RBFOX1: variants seen among roughly 807,000 people sequenced by gnomAD.
The protein encoded by RBFOX1 is RNA binding protein fox-1 homolog 1.
A neutral mutation model predicts 57.7 loss-of-function variants in RBFOX1; 8 were observed. The observed-to-expected ratio is 0.14, with a 90% confidence interval of 0.08 to 0.25. RBFOX1 has a LOEUF of 0.25. RBFOX1 is among the 10% of genes least tolerant of loss of function. The pLI is 1.00. For missense variants in RBFOX1, 611 were observed against 548.5 expected (o/e 1.11, Z -1.14); for synonymous variants, 326 against 222.4 (o/e 1.47, Z -4.15).
At chr16:5,342,421 C>T (rs1188983063) in intron 1 of RBFOX1, among the ~76,000 whole-genome samples, 1 of 152,166 alleles carries the variant, frequency 6.6e-6, no homozygotes, top group Non-Finnish European at 1.5e-5. Context: ...TCTCTAGGTA[C>T]AGAGGGCTTG....
chr16:6,542,483 C>CTTTTTTTTGTTTTTTTTTTT (rs2096835301), intron 2 of RBFOX1, among the ~76,000 whole-genome samples: 1 of 55,718 alleles, frequency 1.8e-5, no homozygotes, highest in Non-Finnish European at 3.0e-5. Context: ...GGACCATAGT[C>CTTTTTTTTGTTTTTTTTTTT]TTTTTTTTTT....
intron 2 of RBFOX1, among the ~76,000 whole-genome samples, chr16:6,406,343 T>C (rs77445497): frequency 0.029 from 3,547 of 120,270 alleles, 185 homozygotes; most frequent in East Asian, 0.26. Flanking sequence ...TCTGTCTCCA[T>C]AGAAGATGTT....
chr16:5,353,942 G>GTAAA (rs2151321842), intron 1 of RBFOX1, among the ~76,000 whole-genome samples: 1 of 152,200 alleles, frequency 6.6e-6, no homozygotes, highest in Non-Finnish European at 1.5e-5. Context: ...GGGCGGTGTA[G>GTAAA]TAAATGTTGA....
chr16:5,545,584 GA>G (rs2045160420), intron 2 of RBFOX1, among the ~76,000 whole-genome samples: 1 of 151,908 alleles, frequency 6.6e-6, no homozygotes, highest in Admixed American at 6.6e-5. Flanking sequence ...ATCATATTAA[GA>G]AATAAAAAGT....
At chr16:5,990,047 G>A (rs1014159899) in intron 4 of RBFOX1, among the ~76,000 whole-genome samples, 6 of 152,206 alleles carry the variant, frequency 3.9e-5, no homozygotes, top group South Asian at 2.1e-4. Context: ...CTGGAGTGGC[G>A]CTATCATGGT....
chr16:7,241,079 G>C (rs1219936411), intron 4 of RBFOX1, among the ~76,000 whole-genome samples: 1 of 152,164 alleles, frequency 6.6e-6, no homozygotes. Context: ...ATTTAGCGCA[G>C]TTTTTAGTAT....
chr16:7,029,932 G>C (rs958372358), intron 3 of RBFOX1, among the ~76,000 whole-genome samples: 3 of 152,200 alleles, frequency 2.0e-5, no homozygotes, highest in Admixed American at 2.0e-4. Flanking sequence ...GGGAGATTTG[G>C]AGAATGGGGT....
chr16:7,016,311 C>G (rs991289437), intron 3 of RBFOX1, among the ~76,000 whole-genome samples: 6 of 152,120 alleles, frequency 3.9e-5, no homozygotes, highest in Admixed American at 6.5e-5. Flanking sequence ...ACTATTCAAA[C>G]TGAAGACTGG....
intron 4 of RBFOX1, among the ~76,000 whole-genome samples, chr16:7,305,354 A>C (rs893164648): frequency 2.0e-5 from 3 of 152,092 alleles, no homozygotes; most frequent in Admixed American, 6.5e-5. Context: ...ATAGCTCAGC[A>C]CTGCCCTTGT....
intron 2 of RBFOX1, among the ~76,000 whole-genome samples, chr16:6,518,692 T>C (rs773393565): frequency 6.6e-6 from 1 of 152,164 alleles, no homozygotes; most frequent in Non-Finnish European, 1.5e-5. Flanking sequence ...ATTTTATCTA[T>C]GTATGTATCT....
At chr16:6,486,442 A>G (rs75497776) in intron 2 of RBFOX1, among the ~76,000 whole-genome samples, 2 of 152,162 alleles carry the variant, frequency 1.3e-5, no homozygotes, top group East Asian at 3.8e-4. Context: ...AATGATTATT[A>G]TTAATTAAAC....
intron 4 of RBFOX1, among the ~76,000 whole-genome samples, chr16:7,096,012 C>CAAAAAAA (rs71408498): frequency 3.6e-5 from 4 of 111,484 alleles, no homozygotes; most frequent in African/African-American, 1.1e-4. Flanking sequence ...GACTCTGTCT[C>CAAAAAAA]AAAAAAAAAA....
chr16:6,438,480 C>G (rs1453610466), intron 2 of RBFOX1, among the ~76,000 whole-genome samples: 1 of 152,146 alleles, frequency 6.6e-6, no homozygotes, highest in Non-Finnish European at 1.5e-5. Flanking sequence ...ATGCTGTGTG[C>G]TTTGCTAGTC....
chr16:5,983,579 A>C (rs73520276), intron 4 of RBFOX1, among the ~76,000 whole-genome samples: 1 of 152,268 alleles, frequency 6.6e-6, no homozygotes, highest in African/African-American at 2.4e-5. Flanking sequence ...CACCCTGGGC[A>C]GGAGGATGGC....
chr16:7,029,080 A>G (rs1292055045), intron 3 of RBFOX1, among the ~76,000 whole-genome samples: 2 of 29,948 alleles, frequency 6.7e-5, no homozygotes, highest in Non-Finnish European at 9.8e-5. Flanking sequence ...ATATATATAT[A>G]TACACACACA....
At chr16:6,563,468 T>G (rs375346658) in intron 2 of RBFOX1, among the ~76,000 whole-genome samples, 2 of 152,102 alleles carry the variant, frequency 1.3e-5, no homozygotes, top group Non-Finnish European at 2.9e-5. Flanking sequence ...AAAAATTTGG[T>G]GCATCCCTAG....
In RBFOX1 at chr16:7,419,399, C is replaced by T. The variant is rs147743076; in HGVS notation, c.28-98748C>T. On this transcript the variant is annotated intron_variant, in intron 4 of 15. Transcript: ENST00000550418. The stretch of plus-strand genomic sequence containing the variant: ...TCATCTGAATTTAAGCTGGACACCT[C>T]GCTTGTGAATGCAGAGGGGCCAGCA... 1.7e-3 allele frequency among the ~76,000 whole-genome samples: 264 copies of T among 152,318 alleles called. 1 individual carries two copies. Among genetic ancestry groups the T allele is most frequent in the African/African-American group, 5.9e-3 (244 of 41,564 alleles).
At chr16:5,376,744 C>A (rs1484068936) in intron 1 of RBFOX1, among the ~76,000 whole-genome samples, 58 of 147,344 alleles carry the variant, frequency 3.9e-4, no homozygotes, top group Non-Finnish European at 2.8e-4. Context: ...TGGCAGCACC[C>A]ATGACTGTCT....
intron 4 of RBFOX1, among the ~76,000 whole-genome samples, chr16:6,002,453 T>C (rs565471983): frequency 1.3e-5 from 2 of 152,204 alleles, no homozygotes; most frequent in Non-Finnish European, 2.9e-5. Flanking sequence ...GGCATGCACC[T>C]TTGCATTTTG....
Sources: gnomAD v4.1 joint callset for allele counts (sites outside exome capture counted in the v4.1 genomes callset) on GRCh38, gnomAD v4.1.1 for gene constraint, MANE v1.5 for transcripts, NCBI Gene and HGNC (gene_info 2026-07-23, HGNC 2026-07-21) for gene names.